PHLPP1: variants seen among roughly 807,000 people sequenced by gnomAD.
PHLPP1 encodes the protein PH domain leucine-rich repeat-containing protein phosphatase 1.
PHLPP1 carries 42 observed loss-of-function variants against 117.2 expected under a neutral mutation model. That is an observed-to-expected ratio of 0.36 (90% CI 0.28 to 0.46). PHLPP1 has a LOEUF of 0.46. Among genes scored for constraint, PHLPP1 ranks in the 20% least tolerant of loss-of-function variants. The pLI, the probability that PHLPP1 is intolerant of heterozygous loss-of-function variation, is 1.00. For missense variants in PHLPP1, 2,084 were observed against 2,241.9 expected (o/e 0.93, Z 1.42); for synonymous variants, 1,042 against 970.7 (o/e 1.07, Z -1.37).
At chr18:62,740,015 G>A (rs1033771335) in intron 1 of PHLPP1, among the ~76,000 whole-genome samples, 5 of 152,156 alleles carry the variant, frequency 3.3e-5, no homozygotes, top group Non-Finnish European at 4.4e-5. Flanking sequence ...GAAGGGAAAC[G>A]GGGACAAAGG....
intron 9 of PHLPP1, among the ~76,000 whole-genome samples, chr18:62,915,389 G>A (rs988126367): frequency 6.6e-6 from 1 of 151,990 alleles, no homozygotes; most frequent in Non-Finnish European, 1.5e-5. Context: ...AATACCTTTT[G>A]TTCTCCCTAG....
At chr18:62,928,557 T>C (rs1260930139) in intron 10 of PHLPP1, among the ~76,000 whole-genome samples, 1 of 152,208 alleles carries the variant, frequency 6.6e-6, no homozygotes, top group East Asian at 1.9e-4. Flanking sequence ...CGTACACTGC[T>C]GGCAGGAATG....
intron 14 of PHLPP1, among the ~76,000 whole-genome samples, chr18:62,966,342 T>G (rs1344763075): frequency 6.6e-6 from 1 of 152,080 alleles, no homozygotes; most frequent in Non-Finnish European, 1.5e-5. Context: ...AGTTTATATA[T>G]CTGGTATGTA....
intron 2 of PHLPP1, among the ~76,000 whole-genome samples, chr18:62,833,658 T>A (rs943286823): frequency 2.0e-5 from 3 of 152,248 alleles, no homozygotes; most frequent in Non-Finnish European, 2.9e-5. Flanking sequence ...TGTGGTCTTC[T>A]GTAATTGAAT....
At chr18:62,962,310 T>C (rs1910794020) in intron 13 of PHLPP1, among the ~76,000 whole-genome samples, 1 of 152,134 alleles carries the variant, frequency 6.6e-6, no homozygotes, top group Non-Finnish European at 1.5e-5. Flanking sequence ...TTATGTGTTA[T>C]GTTATTTATT....
chr18:62,777,064 G>A (rs1437694317), intron 1 of PHLPP1, among the ~76,000 whole-genome samples: 1 of 152,134 alleles, frequency 6.6e-6, no homozygotes, highest in African/African-American at 2.4e-5. Context: ...TTCATTTTTG[G>A]GGGGTAAATA....
intron 1 of PHLPP1, among the ~76,000 whole-genome samples, chr18:62,827,286 A>G (rs1170203590): frequency 6.6e-6 from 1 of 152,210 alleles, no homozygotes; most frequent in Non-Finnish European, 1.5e-5. Context: ...GAATTAGAGT[A>G]ACATTTCTAA....
chr18:62,742,074 A>G (rs1911546327), intron 1 of PHLPP1, among the ~76,000 whole-genome samples: 1 of 152,202 alleles, frequency 6.6e-6, no homozygotes, highest in Non-Finnish European at 1.5e-5. Context: ...TTTGGAATTG[A>G]TTTTAAGATA....
At chr18:62,902,321 A>C (rs1166811932) in intron 6 of PHLPP1, among the ~76,000 whole-genome samples, 1 of 152,118 alleles carries the variant, frequency 6.6e-6, no homozygotes, top group African/African-American at 2.4e-5. Context: ...TCACTCTATC[A>C]AGCAGTATTT....
chr18:62,963,407 A>G lies in PHLPP1; in HGVS notation c.3495A>G (p.Gly1165=), dbSNP rs552411682. The change falls in exon 14 of 17, where the codon GGA becomes GGG. Residue 1165 remains glycine, a synonymous_variant. Coordinates refer to ENST00000262719, the MANE Select transcript of PHLPP1 (RefSeq NM_194449.4). The part of the protein sequence containing the change: ...RCFKIDQPST[G]DASGAPAVWS... ...TCAAGATTGATCAGCCTTCTACAGG[A>G]GACGCTTCCGGAGCCCCAGCTGTAT... 1.2e-6 allele frequency: 2 copies of G among 1,613,534 alleles called. No individual in the cohort carries two copies. The highest frequency in any genetic ancestry group is 2.7e-5 in the African/African-American group (2 of 75,030).
intron 1 of PHLPP1, among the ~76,000 whole-genome samples, chr18:62,811,373 TAGAA>T (rs907632202): frequency 1.3e-5 from 2 of 152,122 alleles, no homozygotes; most frequent in African/African-American, 4.8e-5. Context: ...AATGACAACT[TAGAA>T]AGGTGTGTAT....
intron 1 of PHLPP1, among the ~76,000 whole-genome samples, chr18:62,814,539 A>G (rs79826330): frequency 6.6e-6 from 1 of 152,334 alleles, no homozygotes; most frequent in Non-Finnish European, 1.5e-5. Flanking sequence ...GCAATAAGAA[A>G]CATGCTTTAG....
At chr18:62,859,573 C>A (rs1915580833) in intron 3 of PHLPP1, among the ~76,000 whole-genome samples, 1 of 152,130 alleles carries the variant, frequency 6.6e-6, no homozygotes, top group Non-Finnish European at 1.5e-5. Flanking sequence ...TTCTACTGTA[C>A]CATTAATTGA....
At chr18:62,870,022 G>A (rs1040221533) in intron 4 of PHLPP1, among the ~76,000 whole-genome samples, 5 of 152,120 alleles carry the variant, frequency 3.3e-5, no homozygotes, top group African/African-American at 9.7e-5. Flanking sequence ...CCTCCCGAAT[G>A]GATGGGACTA....
intron 1 of PHLPP1, among the ~76,000 whole-genome samples, chr18:62,737,263 T>G (rs1911396865): frequency 6.6e-6 from 1 of 151,664 alleles, no homozygotes; most frequent in South Asian, 2.1e-4. Flanking sequence ...TGGGGAATGG[T>G]GAGTAGTTTG....
At chr18:62,956,898 C>T (rs1352603456) in intron 12 of PHLPP1, among the ~76,000 whole-genome samples, 1 of 152,138 alleles carries the variant, frequency 6.6e-6, no homozygotes, top group Admixed American at 6.5e-5. Flanking sequence ...TTTACCCAAT[C>T]TCTACCCTTC....
intron 1 of PHLPP1, among the ~76,000 whole-genome samples, chr18:62,726,741 G>A (rs535834746): frequency 9.4e-4 from 141 of 150,738 alleles, no homozygotes; most frequent in African/African-American, 3.3e-3. Context: ...CTGCCACCAC[G>A]CTCAGCTAAC....
At chr18:62,922,098 G>C (rs1279602304) in intron 10 of PHLPP1, among the ~76,000 whole-genome samples, 1 of 151,870 alleles carries the variant, frequency 6.6e-6, no homozygotes. Flanking sequence ...AAGAATTCTT[G>C]TTTTTTGGTT....
intron 2 of PHLPP1, among the ~76,000 whole-genome samples, chr18:62,833,246 G>A (rs1914802308): frequency 6.6e-6 from 1 of 152,050 alleles, no homozygotes; most frequent in Non-Finnish European, 1.5e-5. Context: ...GCCAATTTTT[G>A]TACTTTTAGT....
Sources: allele counts gnomAD v4.1 joint callset (sites outside exome capture counted in the v4.1 genomes callset), GRCh38; gene constraint gnomAD v4.1.1; transcripts MANE v1.5; gene names NCBI Gene and HGNC (gene_info 2026-07-23, HGNC 2026-07-21).